PRR14L: variants seen among roughly 807,000 people sequenced by gnomAD.
PRR14L encodes the protein protein PRR14L.
PRR14L carries 80 observed loss-of-function variants against 155.0 expected under a neutral mutation model. The observed-to-expected ratio is 0.52, with a 90% CI of 0.43 to 0.62. The LOEUF is 0.62. Ranked by LOEUF, PRR14L falls within the 20% of genes least tolerant of loss-of-function variation. The pLI is 0.00. For synonymous variants in PRR14L, 883 were observed against 916.0 expected, an observed-to-expected ratio of 0.96 and a Z score of 0.65; for missense variants, 2,469 against 2,548.0, an observed-to-expected ratio of 0.97 and a Z score of 0.67.
intron 4 of PRR14L, among the ~76,000 whole-genome samples, chr22:31,707,309 C>T (rs1204950153): frequency 1.3e-5 from 2 of 152,206 alleles, no homozygotes; most frequent in African/African-American, 4.8e-5. Context: ...AAAAGGGTTA[C>T]ACCTCCACAG....
In PRR14L at chr22:31,712,674, T is replaced by A. The variant is rs988380086; in HGVS notation, c.5165A>T (p.His1722Leu). 9 of 1,551,642 alleles carry A rather than the reference T, an allele frequency of 5.8e-6. No individual in the cohort carries two copies. Among genetic ancestry groups the A allele is most frequent in the Non-Finnish European group, 7.8e-6 (9 of 1,147,016 alleles). ...GCAATCTGAGCTGGATGATTTCACA[T>A]GAAAGGATACTGGGAAGATTTCAGA... ...FGSEIFPVSFHVKSSSSDCTT... is the reference protein window; with the variant it reads ...FGSEIFPVSFLVKSSSSDCTT... The change falls in exon 4 of 9, where the codon CAT becomes CTT. Residue 1722 changes from histidine to leucine, a missense_variant. Physicochemically the swap from His to Leu is moderately conservative, Grantham distance 99. Coordinates refer to ENST00000327423, the MANE Select transcript of PRR14L (RefSeq NM_173566.3).
At position 31,681,579 on chromosome 22, in the gene PRR14L, A is replaced by G. The variant is rs1003402498; in HGVS notation, c.*3948T>C. ...AAGGAGATGCTGAGGCCTCTCACCA[A>G]GAATTCAAATCCAATTCAGCACCAG... On this transcript the variant is annotated 3_prime_UTR_variant, in exon 9 of 9. Coordinates refer to ENST00000327423, the MANE Select transcript of PRR14L (RefSeq NM_173566.3). 1.3e-5 allele frequency: 2 copies of G among 152,204 alleles called. No homozygotes were observed. The highest frequency in any genetic ancestry group is 1.3e-4 in the Admixed American group (2 of 15,278). 9.4% of individuals were successfully genotyped at this position (152,204 alleles called of 1,614,324 possible). A position where few individuals can be genotyped will look rare whatever the true frequency, so the allele number is the denominator to read the frequency against.
chr22:31,689,673 G>C (rs891758153), intron 7 of PRR14L, among the ~76,000 whole-genome samples: 1 of 152,138 alleles, frequency 6.6e-6, no homozygotes, highest in Non-Finnish European at 1.5e-5. Context: ...GGGCTCAAGA[G>C]ATCCTCCTGT....
intron 2 of PRR14L, among the ~76,000 whole-genome samples, chr22:31,735,495 T>C (rs1601515782): frequency 6.6e-6 from 1 of 151,856 alleles, no homozygotes; most frequent in African/African-American, 2.4e-5. Context: ...TTGATTGTTA[T>C]GTAAGCATGT....
Position 31,714,628 on chromosome 22 carries a change from C to A in PRR14L, c.3211G>T (p.Val1071Leu). The change falls in exon 4 of 9, where the codon GTG (valine) becomes TTG (leucine). Residue 1071 changes from valine to leucine, a missense_variant. Transcript: ENST00000327423. The stretch of plus-strand genomic sequence containing the variant: ...CAATCCAGTAGATTAGATGCCTTCA[C>A]GTCCAGCACACCTTCTGCAAGCTTA... ...SNKLAEGVLD[V>L]KASNLLDCGA... The A allele has an allele frequency of 6.4e-7, 1 of 1,552,036 alleles. No individual in the cohort carries two copies. The highest frequency in any genetic ancestry group is 8.7e-7 in the Non-Finnish European group (1 of 1,147,068).
intron 3 of PRR14L, among the ~76,000 whole-genome samples, chr22:31,723,150 T>C (rs780745797): frequency 3.3e-5 from 5 of 152,150 alleles, no homozygotes; most frequent in Admixed American, 6.6e-5. Context: ...CTAAAAACTC[T>C]AGTAGAGATG....
chr22:31,735,373 G>A (rs1159827995), intron 2 of PRR14L, among the ~76,000 whole-genome samples: 1 of 151,840 alleles, frequency 6.6e-6, no homozygotes, highest in Non-Finnish European at 1.5e-5. Flanking sequence ...CCTGGGAGGT[G>A]GAGCTTGCAG....
intron 2 of PRR14L, among the ~76,000 whole-genome samples, chr22:31,733,204 G>C (rs1212518411): frequency 2.6e-5 from 4 of 151,474 alleles, no homozygotes; most frequent in Non-Finnish European, 2.9e-5. Context: ...GGCCAGGCTG[G>C]TCTCGAACTC....
At chr22:31,725,737 T>C (rs941006280) in intron 2 of PRR14L, 127 bp from the exon 3 acceptor site, 8 of 619,402 alleles carry the variant, frequency 1.3e-5, no homozygotes, top group Non-Finnish European at 2.2e-5. Flanking sequence ...GGTTAGATCG[T>C]GGCTCACTGC....
At position 31,742,077 on chromosome 22, in the gene PRR14L, A is replaced by G. The variant is rs1384809047; in HGVS notation, c.-51-3166T>C. ...AAATAAGTAGGAAGTGCTCAATTTT[A>G]ATTTGGTTCAGTTTTCCTTTCCCAA... On this transcript the variant is annotated intron_variant, in intron 1 of 8. Transcript: ENST00000327423. Among the ~76,000 whole-genome samples the G allele has an allele frequency of 5.9e-5, 9 of 152,134 alleles. 1 individual carries two copies. The highest frequency in any genetic ancestry group is 4.4e-5 in the Non-Finnish European group (3 of 68,042).
chr22:31,701,616 C>A lies in PRR14L; in HGVS notation c.6107+40G>T, dbSNP rs759221610. The A allele has an allele frequency of 6.5e-6, 9 of 1,390,148 alleles. No homozygotes were observed. In the East Asian group the frequency reaches 1.4e-4, roughly 21 times the overall value. 86.1% of individuals were successfully genotyped at this position (1,390,148 alleles called of 1,614,324 possible). A position where few individuals can be genotyped will look rare whatever the true frequency, so the allele number is the denominator to read the frequency against. ...AATTATATTATGACAAACAATTTTCCAAAAAAGTGAACCTAGCTTGTAACA... is the reference window on the plus strand; with the variant it reads ...AATTATATTATGACAAACAATTTTCAAAAAAAGTGAACCTAGCTTGTAACA... On this transcript the variant is annotated intron_variant, in intron 7 of 8. Transcript: ENST00000327423.
intron 2 of PRR14L, among the ~76,000 whole-genome samples, chr22:31,731,497 G>A (rs2074749529): frequency 6.7e-6 from 1 of 148,386 alleles, no homozygotes; most frequent in Non-Finnish European, 1.5e-5. Flanking sequence ...GAACCCAGGA[G>A]GAGGAGGTTG....
intron 7 of PRR14L, among the ~76,000 whole-genome samples, chr22:31,692,500 A>G (rs567783801): frequency 6.6e-6 from 1 of 152,314 alleles, no homozygotes; most frequent in Non-Finnish European, 1.5e-5. Context: ...CACTTTGTCC[A>G]TTTAAAAAAT....
intron 7 of PRR14L, among the ~76,000 whole-genome samples, chr22:31,700,619 C>G (rs1227294234): frequency 6.6e-6 from 1 of 152,152 alleles, no homozygotes; most frequent in African/African-American, 2.4e-5. Flanking sequence ...TGCAATGGCA[C>G]GATCTCGGCT....
chr22:31,736,405 G>C (rs115466436), intron 2 of PRR14L, among the ~76,000 whole-genome samples: 1,607 of 147,758 alleles, frequency 0.011, 27 homozygotes, highest in African/African-American at 0.036. Flanking sequence ...AAAAAAAAAG[G>C]CATCACAGTG....
Position 31,711,449 on chromosome 22 carries a change from T to C in PRR14L, c.5756+634A>G, listed in dbSNP as rs564390125. Among the ~76,000 whole-genome samples the C allele has an allele frequency of 3.4e-5, 5 of 147,982 alleles. No homozygotes were observed. The Admixed American group carries it at 3.4e-4, about 10-fold the overall frequency. On this transcript the variant is annotated intron_variant, in intron 4 of 8. Transcript: ENST00000327423. ...TTGCGCCACTGCATTCCAGCGTGGG[T>C]GACAAGAATGAGACTGTTTCAAAAA... is the stretch of plus-strand genomic sequence containing the variant.
At position 31,714,201 on chromosome 22, in the gene PRR14L, G is replaced by T. The variant is rs1200860990; in HGVS notation, c.3638C>A (p.Thr1213Asn). The T allele has an allele frequency of 6.4e-7, 1 of 1,551,504 alleles. No individual in the cohort carries two copies. Among genetic ancestry groups the T allele is most frequent in the African/African-American group, 1.4e-5 (1 of 73,126 alleles). The change falls in exon 4 of 9, where the codon ACC (threonine) becomes AAC (asparagine). Residue 1213 changes from threonine to asparagine, a missense_variant. Physicochemically the swap from Thr to Asn is moderately conservative, Grantham distance 65 (BLOSUM62 0). This residue lies in a region of PRR14L where 2,363 missense variants were observed against 2,371.6 expected (regional missense o/e 1.00). Transcript: ENST00000327423. ...CGACTCTTTTGAGGAAATTCCAAAG[G>T]TACTTTCTTTGCCAAACTCAGAGTT... ...EPNSEFGKES[T>N]FGISSKESMS...
At chr22:31,720,142 A>G (rs961967608) in intron 3 of PRR14L, among the ~76,000 whole-genome samples, 3 of 152,184 alleles carry the variant, frequency 2.0e-5, no homozygotes, top group Non-Finnish European at 2.9e-5. Context: ...AATGCATGTA[A>G]GATGTCATGT....
At position 31,712,685 on chromosome 22, in the gene PRR14L, T is replaced by TG; in HGVS notation, c.5153dup (p.Val1719SerfsTer15). 6.4e-7 allele frequency: 1 copy of TG among 1,551,732 alleles called. No individual in the cohort carries two copies. The highest frequency in any genetic ancestry group is 8.7e-7 in the Non-Finnish European group (1 of 1,146,994). On this transcript the variant is annotated frameshift_variant, in exon 4 of 9. Coordinates refer to ENST00000327423, the MANE Select transcript of PRR14L (RefSeq NM_173566.3). LOFTEE classifies it high-confidence loss of function. ...TGGATGATTTCACATGAAAGGATACTGGGAAGATTTCAGAACCAAACAGCA... is the reference window on the plus strand; with the variant it reads ...TGGATGATTTCACATGAAAGGATACTGGGGAAGATTTCAGAACCAAACAGCA...
Sources: allele counts gnomAD v4.1 joint callset (sites outside exome capture counted in the v4.1 genomes callset), GRCh38; gene constraint gnomAD v4.1.1; regional missense constraint gnomAD v4.1.1; transcripts MANE v1.5; gene names NCBI Gene and HGNC (gene_info 2026-07-23, HGNC 2026-07-21).